SH2D4B: variants seen among roughly 807,000 people sequenced by gnomAD.
SH2D4B encodes the protein SH2 domain containing 4B.
SH2D4B carries 45 observed loss-of-function variants against 61.5 expected under a neutral mutation model. The ratio of observed to expected loss-of-function variants is 0.73; its 90% CI spans 0.58 to 0.94. The LOEUF is 0.94. Among genes scored for constraint, SH2D4B ranks in the 40% least tolerant of loss-of-function variants. The probability of loss-of-function intolerance (pLI) is 0.00; values close to 1 mark genes in which losing one functional copy is unlikely to be tolerated. For missense variants in SH2D4B, 572 were observed against 574.2 expected (o/e 1.00, Z 0.04); for synonymous variants, 224 against 220.4 (o/e 1.02, Z -0.14).
intron 3 of SH2D4B, among the ~76,000 whole-genome samples, chr10:80,582,056 T>C (rs1842190596): frequency 6.6e-6 from 1 of 152,234 alleles, no homozygotes; most frequent in African/African-American, 2.4e-5. Context: ...AATTCCGATT[T>C]CCTTATGACC....
chr10:80,562,349 C>G (rs1284308784), intron 1 of SH2D4B, among the ~76,000 whole-genome samples: 1 of 152,170 alleles, frequency 6.6e-6, no homozygotes, highest in Non-Finnish European at 1.5e-5. Context: ...TGACAAATAT[C>G]AAAATCAGTT....
chr10:80,570,477 C>T (rs1425756909), intron 2 of SH2D4B, among the ~76,000 whole-genome samples, 161 bp downstream of exon 2: 4 of 152,206 alleles, frequency 2.6e-5, no homozygotes, highest in Non-Finnish European at 4.4e-5. Flanking sequence ...GCTTCGGCCT[C>T]CCAAAGTGTT....
chr10:80,569,779 C>A (rs746340079), intron 1 of SH2D4B, among the ~76,000 whole-genome samples: 6 of 152,124 alleles, frequency 3.9e-5, no homozygotes, highest in Non-Finnish European at 5.9e-5. Context: ...GTTAGCTCGG[C>A]CTATGTGCGG....
chr10:80,570,707 G>GGTATTTATTATTACTATATT lies in SH2D4B; in HGVS notation c.347+391_347+392insGTATTTATTATTACTATATT, dbSNP rs1307680815. The stretch of plus-strand genomic sequence containing the variant: ...CTTATAGATCCAAAATGCTACTTAA[G>GGTATTTATTATTACTATATT]ATTACTATATGGTACAGGTATTTAT... On this transcript the variant is annotated intron_variant, in intron 2 of 7. Coordinates refer to ENST00000646907, the MANE Select transcript of SH2D4B (RefSeq NM_001388272.1). 5.3e-5 allele frequency among the ~76,000 whole-genome samples: 8 copies of GGTATTTATTATTACTATATT among 152,244 alleles called. No individual in the cohort carries two copies. The East Asian group carries it at 1.5e-3, about 29-fold the overall frequency.
rs369123690 is a variant in SH2D4B, at chr10:80,554,766, T to G, written c.185-15388T>G. On this transcript the variant is annotated intron_variant, in intron 1 of 7. Coordinates refer to ENST00000646907, the MANE Select transcript of SH2D4B (RefSeq NM_001388272.1). ...GGCTTACGCCTGTAATCTCAGCACT[T>G]TGGGAGGCCGAGGCGGGTGGATCAC... Among the ~76,000 whole-genome samples the G allele has an allele frequency of 1.8e-4, 28 of 152,134 alleles. No individual in the cohort carries two copies. The East Asian group carries it at 5.2e-3, about 28-fold the overall frequency.
At chr10:80,643,314 G>A (rs1454887041) in intron 7 of SH2D4B, among the ~76,000 whole-genome samples, 1 of 151,378 alleles carries the variant, frequency 6.6e-6, no homozygotes. Flanking sequence ...GCTGAGGAGA[G>A]ATTAATGCAC....
chr10:80,622,343 T>C (rs943503950), intron 6 of SH2D4B, among the ~76,000 whole-genome samples: 17 of 152,214 alleles, frequency 1.1e-4, no homozygotes, highest in African/African-American at 4.1e-4. Context: ...CACATGATGA[T>C]GTTATATGTG....
At chr10:80,552,553 C>T (rs374021743) in intron 1 of SH2D4B, among the ~76,000 whole-genome samples, 1 of 152,178 alleles carries the variant, frequency 6.6e-6, no homozygotes, top group Non-Finnish European at 1.5e-5. Context: ...AGGGGCAGCT[C>T]GTGAGAAAGG....
chr10:80,571,681 C>A, intron 3 of SH2D4B, 103 bp downstream of exon 3: 1 of 1,360,844 alleles, frequency 7.3e-7, no homozygotes, highest in Non-Finnish European at 1.0e-6. Flanking sequence ...TTGGTTGGTA[C>A]TGGGTGCTTT....
At chr10:80,601,290 G>C (rs1842449875) in intron 4 of SH2D4B, among the ~76,000 whole-genome samples, 1 of 152,212 alleles carries the variant, frequency 6.6e-6, no homozygotes, top group African/African-American at 2.4e-5. Flanking sequence ...CTCCCCAGCA[G>C]AATGCGAGGC....
intron 1 of SH2D4B, among the ~76,000 whole-genome samples, chr10:80,547,760 G>T (rs113036973): frequency 6.6e-6 from 1 of 152,158 alleles, no homozygotes; most frequent in Non-Finnish European, 1.5e-5. Context: ...GGTGTCTAGG[G>T]GTGAGGGACA....
rs536298185 is a variant in SH2D4B, at chr10:80,541,400, C to T, written c.184+2885C>T. Among the ~76,000 whole-genome samples, 137 of 152,278 alleles carry T rather than the reference C, an allele frequency of 9.0e-4. 1 individual carries two copies. The highest frequency in any genetic ancestry group is 3.0e-3 in the African/African-American group (124 of 41,558). On this transcript the variant is annotated intron_variant, in intron 1 of 7. Transcript: ENST00000646907. ...CCCAGTGCTATTCTTGTCTCATTGA[C>T]AGGCATCCTCTTTCCTGGTCCCCTC... is the stretch of plus-strand genomic sequence containing the variant.
chr10:80,563,294 GTTAT>G (rs1210439410), intron 1 of SH2D4B, among the ~76,000 whole-genome samples: 2 of 152,096 alleles, frequency 1.3e-5, no homozygotes, highest in African/African-American at 4.8e-5. Flanking sequence ...TTTAAATTGG[GTTAT>G]TTGTTTTCTT....
chr10:80,640,421 A>G (rs1840270260), intron 7 of SH2D4B, among the ~76,000 whole-genome samples: 1 of 152,194 alleles, frequency 6.6e-6, no homozygotes, highest in Admixed American at 6.5e-5. Context: ...ACTTTCAGGC[A>G]CACCAATCAG....
intron 1 of SH2D4B, among the ~76,000 whole-genome samples, chr10:80,544,212 G>A (rs1841633642): frequency 6.6e-6 from 1 of 152,088 alleles, no homozygotes; most frequent in Admixed American, 6.5e-5. Context: ...GCGAGCCCAC[G>A]GGGAAGAATG....
chr10:80,618,493 A>G (rs936455864), intron 6 of SH2D4B, among the ~76,000 whole-genome samples: 7 of 152,226 alleles, frequency 4.6e-5, no homozygotes, highest in Non-Finnish European at 7.3e-5. Context: ...GTTATAAAAA[A>G]AAGAAGGCCT....
intron 4 of SH2D4B, among the ~76,000 whole-genome samples, chr10:80,595,457 G>A (rs908335769): frequency 6.6e-6 from 1 of 152,112 alleles, no homozygotes; most frequent in Non-Finnish European, 1.5e-5. Flanking sequence ...AAAGTGAGGG[G>A]GCCCATGGTC....
chr10:80,611,626 G>A (rs1196195118), intron 6 of SH2D4B, among the ~76,000 whole-genome samples: 1 of 152,206 alleles, frequency 6.6e-6, no homozygotes, highest in Non-Finnish European at 1.5e-5. Context: ...GGTCATGGAA[G>A]TGCAGCACTG....
Position 80,603,683 on chromosome 10 carries a change from G to A in SH2D4B, c.748G>A (p.Ala250Thr), listed in dbSNP as rs1422727564. The A allele has an allele frequency of 2.5e-6, 4 of 1,612,186 alleles. No individual in the cohort carries two copies. The highest frequency in any genetic ancestry group is 2.2e-5 in the East Asian group (1 of 44,792). The change falls in exon 5 of 8, where the codon GCT becomes ACT. Residue 250 changes from alanine (A) to threonine (T), a missense_variant. Ala to Thr is a moderately conservative substitution (Grantham distance 58, BLOSUM62 0). Coordinates refer to ENST00000646907, the MANE Select transcript of SH2D4B (RefSeq NM_001388272.1). ...SLRAIQKGTV[A>T]GLSSMFRELG... ...CCGTGCTATCCAGAAGGGCACGGTC[G>A]CTGGCCTCAGCTCCATGTTCCGGGA... is the stretch of plus-strand genomic sequence containing the variant.
Sources: allele counts gnomAD v4.1 joint callset (sites outside exome capture counted in the v4.1 genomes callset), GRCh38; gene constraint gnomAD v4.1.1; transcripts MANE v1.5; gene names NCBI Gene and HGNC (gene_info 2026-07-23, HGNC 2026-07-21).